Variants in MRC2 observed in about 807,000 individuals in gnomAD.
MRC2 encodes mannose receptor C-type 2.
MRC2 carries 84 observed loss-of-function variants against 206.2 expected under a neutral mutation model. The ratio of observed to expected loss-of-function variants is 0.41; its 90% confidence interval spans 0.34 to 0.49. The LOEUF is 0.49. Among genes scored for constraint, MRC2 ranks in the 20% least tolerant of loss-of-function variants. The pLI, the probability that MRC2 is intolerant of heterozygous loss-of-function variation, is 0.31. For synonymous variants in MRC2, 798 were observed against 800.0 expected (o/e 1.00, Z 0.04); for missense variants, 1,676 against 2,001.5 (o/e 0.84, Z 3.10).
intron 1 of MRC2, among the ~76,000 whole-genome samples, chr17:62,636,000 G>C (rs2088311538): frequency 6.6e-6 from 1 of 151,730 alleles, no homozygotes; most frequent in Non-Finnish European, 1.5e-5. Flanking sequence ...TGTTAGCCAG[G>C]ATGGTCTCAA....
Position 62,688,848 on chromosome 17 carries a change from C to T in MRC2, c.3226-4C>T, listed in dbSNP as rs559166468. On this transcript the variant is annotated splice_polypyrimidine_tract_variant and splice_region_variant and intron_variant, in intron 22 of 29. Transcript: ENST00000303375. ...GGCTCCCCTGAGCAGCTCCCTCCCCCCAGACCAGCTGTGCAGTGGTCCTGC... is the reference window on the plus strand; with the variant it reads ...GGCTCCCCTGAGCAGCTCCCTCCCCTCAGACCAGCTGTGCAGTGGTCCTGC... 7 of 1,608,132 alleles carry T rather than the reference C, an allele frequency of 4.4e-6. No individual in the cohort carries two copies. The Admixed American group carries it at 6.7e-5, about 15-fold the overall frequency.
At chr17:62,690,925 C>T (rs770681995) in intron 27 of MRC2, 24 bp from the exon 28 acceptor site, 2 of 1,564,626 alleles carry the variant, frequency 1.3e-6, no homozygotes, top group Admixed American at 2.0e-5. Context: ...TGTCCCTGCT[C>T]CCTCAGTGCC....
At chr17:62,669,123 C>CACACAA (rs2088794283) in intron 6 of MRC2, among the ~76,000 whole-genome samples, 1 of 144,836 alleles carries the variant, frequency 6.9e-6, no homozygotes, top group Admixed American at 6.8e-5. Context: ...CACACACACA[C>CACACAA]ACAACACTAA....
intron 1 of MRC2, among the ~76,000 whole-genome samples, chr17:62,648,840 G>C (rs1465881211): frequency 1.3e-5 from 2 of 152,208 alleles, no homozygotes; most frequent in East Asian, 3.9e-4. Flanking sequence ...TGCAGTGTCT[G>C]CTAAGCCTGG....
chr17:62,672,706 A>G lies in MRC2; in HGVS notation c.1461+554A>G, dbSNP rs1568064360. On this transcript the variant is annotated intron_variant, in intron 8 of 29. Transcript: ENST00000303375. This position sits in a 1 kb window ranked among gnomAD's most constrained non-coding sequence, Gnocchi z 4.5. ...TGAAAGACCCTTAAAAAAGGGACAA[A>G]GCCAGCTGAGTGTGGTGGCTCATGC... 6.6e-6 allele frequency among the ~76,000 whole-genome samples: 1 copy of G among 152,174 alleles called. No homozygotes were observed. The highest frequency in any genetic ancestry group is 1.5e-5 in the Non-Finnish European group (1 of 68,030).
At chr17:62,670,564 T>C (rs544060426) in intron 6 of MRC2, among the ~76,000 whole-genome samples, 1 of 152,238 alleles carries the variant, frequency 6.6e-6, no homozygotes, top group South Asian at 2.1e-4. Context: ...GGTGAAGTCC[T>C]GTTTTCTCTT....
At chr17:62,630,516 G>T (rs2084207753) in intron 1 of MRC2, among the ~76,000 whole-genome samples, 1 of 152,188 alleles carries the variant, frequency 6.6e-6, no homozygotes. Context: ...CTCTTCTGGG[G>T]ATGATGTGGA....
chr17:62,690,408 G>A, intron 26 of MRC2, 103 bp downstream of exon 26: 1 of 1,448,582 alleles, frequency 6.9e-7, no homozygotes, highest in Non-Finnish European at 9.2e-7. Flanking sequence ...CTACCCATAG[G>A]CAGCACTTAC....
At position 62,671,375 on chromosome 17, in the gene MRC2, C is replaced by G. The variant is rs1200377779; in HGVS notation, c.1118-274C>G. Among the ~76,000 whole-genome samples, 1 of 152,208 alleles carries G rather than the reference C, an allele frequency of 6.6e-6. No homozygotes were observed. Among genetic ancestry groups the G allele is most frequent in the African/African-American group, 2.4e-5 (1 of 41,458 alleles). The stretch of plus-strand genomic sequence containing the variant: ...CCTGAGCCACCATGCCTGGCCCACC[C>G]ATCGTATTCTGAGAGCCACAGCCAG... On this transcript the variant is annotated intron_variant, in intron 6 of 29. Coordinates refer to ENST00000303375, the MANE Select transcript of MRC2 (RefSeq NM_006039.5). This position sits in a 1 kb window ranked among gnomAD's most constrained non-coding sequence, Gnocchi z 4.5.
rs539957418 is a variant in MRC2, at chr17:62,690,293, C to T, written c.3880C>T (p.Arg1294Cys). Residue 1294 changes from arginine (R) to cysteine (C), a missense_variant, in exon 26 of 30, where the codon CGC becomes TGC. This residue lies in a region of MRC2 where 1,354 missense variants were observed against 1,636.6 expected (regional missense o/e 0.83). Coordinates refer to ENST00000303375, the MANE Select transcript of MRC2 (RefSeq NM_006039.5). ...GCTGGGCCACAAGGAGGCGCGACAG[C>T]GCTGCCAGAGAGGTGGGTGACCAGG... ...LLLGHKEARQRCQRAGGAVLS... is the reference protein window; with the variant it reads ...LLLGHKEARQCCQRAGGAVLS... The T allele has an allele frequency of 1.2e-5, 19 of 1,610,980 alleles. No homozygotes were observed. In the Admixed American group the frequency reaches 2.2e-4, roughly 18 times the overall value.
chr17:62,636,774 C>T (rs181760596), intron 1 of MRC2, among the ~76,000 whole-genome samples: 3 of 152,146 alleles, frequency 2.0e-5, no homozygotes, highest in East Asian at 1.9e-4. Context: ...CCTGGCCTGT[C>T]GTTGTTTTTT....
chr17:62,675,359 C>T lies in MRC2; in HGVS notation c.1570-431C>T, dbSNP rs1310201182. ...TCCCCGGGCCAGGAGCATCCTGCGCCGACTCCAGCTTTGCCAGGCCCTCGA... is the reference window on the plus strand; with the variant it reads ...TCCCCGGGCCAGGAGCATCCTGCGCTGACTCCAGCTTTGCCAGGCCCTCGA... On this transcript the variant is annotated intron_variant, in intron 9 of 29. Transcript: ENST00000303375. The surrounding 1 kb of genome is among the most constrained non-coding windows in gnomAD (Gnocchi z 4.1). 5.3e-5 allele frequency among the ~76,000 whole-genome samples: 8 copies of T among 152,228 alleles called. No individual in the cohort carries two copies. The highest frequency in any genetic ancestry group is 1.3e-4 in the Admixed American group (2 of 15,288).
chr17:62,680,579 G>T lies in MRC2; in HGVS notation c.2473+126G>T, dbSNP rs1254968518. On this transcript the variant is annotated intron_variant, in intron 16 of 29. Transcript: ENST00000303375. This position sits in a 1 kb window ranked among gnomAD's most constrained non-coding sequence, Gnocchi z 4.8. Reference sequence around the variant, plus strand: ...GTTCCGGTCGAGAGAAGGGGGACGGGGTTGGCTCGGACGGAGGCAGCCACA... The same window carrying T: ...GTTCCGGTCGAGAGAAGGGGGACGGTGTTGGCTCGGACGGAGGCAGCCACA... The T allele has an allele frequency of 1.9e-5, 27 of 1,417,700 alleles. No homozygotes were observed. The East Asian group carries it at 6.0e-4, about 31-fold the overall frequency. The allele number at this position is 1,417,700 out of a possible 1,614,324, so 87.8% of individuals were successfully genotyped here.
chr17:62,644,303 C>T (rs540513195), intron 1 of MRC2, among the ~76,000 whole-genome samples: 2 of 152,186 alleles, frequency 1.3e-5, no homozygotes, highest in South Asian at 2.1e-4. Flanking sequence ...CCTGTAATCT[C>T]AGCTACTCGA....
chr17:62,666,679 G>A lies in MRC2; in HGVS notation c.859+60G>A. The A allele has an allele frequency of 6.4e-7, 1 of 1,561,178 alleles. No individual in the cohort carries two copies. Among genetic ancestry groups the A allele is most frequent in the Non-Finnish European group, 8.7e-7 (1 of 1,151,946 alleles). On this transcript the variant is annotated intron_variant, in intron 4 of 29. Coordinates refer to ENST00000303375, the MANE Select transcript of MRC2 (RefSeq NM_006039.5). This position sits in a 1 kb window ranked among gnomAD's most constrained non-coding sequence, Gnocchi z 5.0. ...GAGGGCCCGGGCCCTTTCCGCTTGT[G>A]GGTTGGGGAGAGGGCGATGGGGAGC...
intron 1 of MRC2, among the ~76,000 whole-genome samples, chr17:62,647,802 A>T (rs1286581190): frequency 6.6e-6 from 1 of 152,154 alleles, no homozygotes; most frequent in Non-Finnish European, 1.5e-5. Flanking sequence ...AGGTTGCCCC[A>T]CTGGGGCTGC....
intron 1 of MRC2, among the ~76,000 whole-genome samples, chr17:62,644,750 G>C (rs2088454606): frequency 6.6e-6 from 1 of 152,092 alleles, no homozygotes; most frequent in South Asian, 2.1e-4. Flanking sequence ...ACAGCCCGCA[G>C]ATCCTCATTT....
rs75809311 is a variant in MRC2, at chr17:62,649,883, C to CT, written c.119-14653dup. Among the ~76,000 whole-genome samples, 463 of 141,796 alleles carry CT rather than the reference C, an allele frequency of 3.3e-3. 1 individual carries two copies. The highest frequency in any genetic ancestry group is 0.011 in the Middle Eastern group (3 of 272). 93.0% of individuals were successfully genotyped at this position (141,796 alleles called of 152,430 possible). A position where few individuals can be genotyped will look rare whatever the true frequency, so the allele number is the denominator to read the frequency against. On this transcript the variant is annotated intron_variant, in intron 1 of 29. Transcript: ENST00000303375. ...AAATAGATACAGCCTTCTTGTCATT[C>CT]TTTTTTTTTTTTAATTTTTTTTAAA...
chr17:62,667,496 G>A lies in MRC2; in HGVS notation c.1080G>A (p.Lys360=). 1 of 1,612,240 alleles carries A rather than the reference G, an allele frequency of 6.2e-7. No homozygotes were observed. The highest frequency in any genetic ancestry group is 8.5e-7 in the Non-Finnish European group (1 of 1,179,628). ...DCSIALPYVC[K]KKPNATAEPT... is the part of the protein sequence containing the mutation. ...GCATCGCGCTGCCCTATGTGTGCAA[G>A]AAGAAGCCCAACGCCACGGCCGAGC... The change falls in exon 6 of 30, where the codon AAG becomes AAA. Residue 360 remains lysine, a synonymous_variant. Coordinates refer to ENST00000303375, the MANE Select transcript of MRC2 (RefSeq NM_006039.5). This position sits in a 1 kb window ranked among gnomAD's most constrained non-coding sequence, Gnocchi z 4.1.
Sources: allele counts gnomAD v4.1 joint callset (sites outside exome capture counted in the v4.1 genomes callset), GRCh38; gene constraint gnomAD v4.1.1; regional missense constraint gnomAD v4.1.1; non-coding constraint Gnocchi (gnomAD v3.1); transcripts MANE v1.5; gene names NCBI Gene and HGNC (gene_info 2026-07-23, HGNC 2026-07-21).